Variants in TTLL11 observed in about 807,000 individuals in gnomAD.
TTLL11 encodes the protein tubulin polyglutamylase TTLL11.
Under a neutral mutation model 51.7 loss-of-function variants are expected in TTLL11, and 42 were observed. That is an observed-to-expected ratio of 0.81 (90% confidence interval 0.64 to 1.05). TTLL11 has a LOEUF of 1.05. TTLL11 is among the 50% of genes least tolerant of loss of function. TTLL11 has a pLI of 0.00. For missense variants in TTLL11, 799 were observed against 940.4 expected (o/e 0.85, Z 1.97); for synonymous variants, 381 against 383.5 (o/e 0.99, Z 0.08).
chr9:121,883,942 T>C (rs1480742797), intron 6 of TTLL11, among the ~76,000 whole-genome samples: 1 of 152,118 alleles, frequency 6.6e-6, no homozygotes, highest in Non-Finnish European at 1.5e-5. Flanking sequence ...TTGGGGAAGG[T>C]ACTTAACCTT....
intron 8 of TTLL11, among the ~76,000 whole-genome samples, chr9:121,850,113 C>G (rs1837625621): frequency 6.6e-6 from 1 of 151,484 alleles, no homozygotes; most frequent in African/African-American, 2.4e-5. Context: ...TGATTTAAAT[C>G]TGCACATGTG....
At chr9:121,858,032 G>T (rs1420748286) in intron 8 of TTLL11, among the ~76,000 whole-genome samples, 1 of 152,120 alleles carries the variant, frequency 6.6e-6, no homozygotes, top group East Asian at 1.9e-4. Flanking sequence ...CTTTCTGAAG[G>T]TGTCAGCAGA....
chr9:122,069,642 T>C (rs1431319414), intron 1 of TTLL11, among the ~76,000 whole-genome samples: 1 of 151,934 alleles, frequency 6.6e-6, no homozygotes, highest in Non-Finnish European at 1.5e-5. Flanking sequence ...GATCGCGCCA[T>C]TGCACTCCAG....
intron 1 of TTLL11, among the ~76,000 whole-genome samples, chr9:122,055,240 GATAA>G (rs1268660454): frequency 1.4e-5 from 2 of 144,954 alleles, no homozygotes; most frequent in Non-Finnish European, 3.2e-5. Flanking sequence ...TAGATAGATA[GATAA>G]AGGGGAGTTT....
intron 6 of TTLL11, among the ~76,000 whole-genome samples, chr9:121,970,040 A>T (rs1842509373): frequency 6.6e-6 from 1 of 152,250 alleles, no homozygotes; most frequent in Admixed American, 6.5e-5. Flanking sequence ...ATTAAGAAAA[A>T]ATATCAGTAA....
chr9:122,026,436 T>C, intron 3 of TTLL11, among the ~76,000 whole-genome samples: 1 of 127,924 alleles, frequency 7.8e-6, no homozygotes. Context: ...AGACTCCATT[T>C]CAAAAAAAAA....
At chr9:121,980,432 C>A (rs946506321) in intron 4 of TTLL11, among the ~76,000 whole-genome samples, 2 of 152,178 alleles carry the variant, frequency 1.3e-5, no homozygotes, top group Non-Finnish European at 2.9e-5. Flanking sequence ...AGGAAAAGCA[C>A]CAAAAGCTCT....
chr9:121,871,399 C>A (rs974322785), intron 6 of TTLL11, among the ~76,000 whole-genome samples: 10 of 152,152 alleles, frequency 6.6e-5, no homozygotes, highest in Non-Finnish European at 1.5e-4. Context: ...ATTATTCCCC[C>A]TGCCCCAAAT....
At chr9:121,836,394 A>T (rs78842040) in intron 8 of TTLL11, among the ~76,000 whole-genome samples, 2,872 of 152,254 alleles carry the variant, frequency 0.019, 73 homozygotes, top group African/African-American at 0.063. Flanking sequence ...ATTGCTAACA[A>T]CAGCCATCCA....
At chr9:121,875,900 C>T (rs59844795) in intron 6 of TTLL11, among the ~76,000 whole-genome samples, 3,561 of 152,284 alleles carry the variant, frequency 0.023, 127 homozygotes, top group African/African-American at 0.08. Flanking sequence ...ACAATGGAAT[C>T]ATTTTTCATT....
intron 6 of TTLL11, among the ~76,000 whole-genome samples, chr9:121,964,222 T>C (rs890931270): frequency 6.6e-6 from 1 of 151,698 alleles, no homozygotes; most frequent in Non-Finnish European, 1.5e-5. Flanking sequence ...ATAAAGACTG[T>C]GACACATTCA....
chr9:122,073,577 G>A (rs560691930), intron 1 of TTLL11, among the ~76,000 whole-genome samples: 1 of 152,288 alleles, frequency 6.6e-6, no homozygotes, highest in African/African-American at 2.4e-5. Context: ...CTTAAAGAAA[G>A]TGAGATTTAA....
intron 7 of TTLL11, among the ~76,000 whole-genome samples, chr9:121,868,538 A>G (rs1838248117): frequency 6.6e-6 from 1 of 152,138 alleles, no homozygotes; most frequent in Non-Finnish European, 1.5e-5. Flanking sequence ...GAACTCAACC[A>G]TGATGGCTGG....
chr9:121,837,808 C>A (rs140761447), intron 8 of TTLL11, among the ~76,000 whole-genome samples: 7 of 152,302 alleles, frequency 4.6e-5, no homozygotes, highest in Non-Finnish European at 1.0e-4. Flanking sequence ...TCACGCCAAA[C>A]GCCTGGGTAC....
chr9:121,988,773 C>A, intron 4 of TTLL11: 1 of 230,614 alleles, frequency 4.3e-6, no homozygotes, highest in Non-Finnish European at 8.5e-6. Flanking sequence ...AGACTCTATG[C>A]ATCAGCAAGC....
At chr9:121,837,785 C>T (rs570934431) in intron 8 of TTLL11, among the ~76,000 whole-genome samples, 14 of 152,192 alleles carry the variant, frequency 9.2e-5, no homozygotes, top group Non-Finnish European at 1.3e-4. Context: ...CCCTGTCTCT[C>T]CTCCCAAAGG....
intron 6 of TTLL11, among the ~76,000 whole-genome samples, chr9:121,895,587 CTGTG>C (rs754623667): frequency 1.1e-4 from 16 of 144,386 alleles, no homozygotes; most frequent in South Asian, 4.6e-4. Flanking sequence ...GTTTGTGTGA[CTGTG>C]TGTGGTTGTG....
chr9:121,911,930 T>TA (rs542865340), intron 6 of TTLL11, among the ~76,000 whole-genome samples: 210 of 151,648 alleles, frequency 1.4e-3, no homozygotes, highest in Non-Finnish European at 2.3e-3. Context: ...TAAAGTATAA[T>TA]AAAAAAAAAT....
chr9:121,983,765 C>T (rs1333040813), intron 4 of TTLL11, among the ~76,000 whole-genome samples: 4 of 152,138 alleles, frequency 2.6e-5, no homozygotes, highest in Non-Finnish European at 5.9e-5. Flanking sequence ...TTCTTTCTTA[C>T]AAGGGACTGG....
Sources: gnomAD v4.1 joint callset for allele counts (sites outside exome capture counted in the v4.1 genomes callset) on GRCh38, gnomAD v4.1.1 for gene constraint, MANE v1.5 for transcripts, NCBI Gene and HGNC (gene_info 2026-07-23, HGNC 2026-07-21) for gene names.